The following AK8 variants were observed in gnomAD, a reference collection of about 807,000 sequenced individuals.
AK8 encodes the protein adenylate kinase 8, also known as ATP-AMP transphosphorylase 8.
In AK8, 44 loss-of-function variants were observed where a neutral mutation model predicts 54.6. The ratio of observed to expected loss-of-function variants is 0.81; its 90% CI spans 0.63 to 1.04. AK8 has a LOEUF of 1.04. AK8 is among the 50% of genes least tolerant of loss of function. The probability of loss-of-function intolerance (pLI) is 0.00; values close to 1 mark genes in which losing one functional copy is unlikely to be tolerated. For missense variants in AK8, 555 were observed against 613.6 expected, an observed-to-expected ratio of 0.90 and a Z score of 1.01; for synonymous variants, 239 against 245.6, an observed-to-expected ratio of 0.97 and a Z score of 0.25.
At chr9:132,828,565 G>T in intron 6 of AK8, 80 bp downstream of exon 6, 1 of 1,297,176 alleles carries the variant, frequency 7.7e-7, no homozygotes, top group South Asian at 1.3e-5. Context: ...GTCAGGAGCA[G>T]GCAGCATGAG....
chr9:132,873,960 G>A (rs1327357575), intron 2 of AK8, among the ~76,000 whole-genome samples: 1 of 152,340 alleles, frequency 6.6e-6, no homozygotes, highest in East Asian at 1.9e-4. Flanking sequence ...GCAGGGCAGA[G>A]TAAACTGCAC....
At chr9:132,749,961 G>A (rs574397249) in intron 11 of AK8, among the ~76,000 whole-genome samples, 2 of 148,376 alleles carry the variant, frequency 1.3e-5, no homozygotes, top group South Asian at 2.1e-4. Flanking sequence ...TCCTTACCTC[G>A]AGATACTGAC....
chr9:132,807,671 C>A (rs1377336403), intron 10 of AK8, among the ~76,000 whole-genome samples: 1 of 152,186 alleles, frequency 6.6e-6, no homozygotes, highest in Non-Finnish European at 1.5e-5. Context: ...GGCTAAAATT[C>A]TCATGAGAAA....
At chr9:132,831,955 G>C (rs1209398979) in intron 5 of AK8, among the ~76,000 whole-genome samples, 1 of 150,974 alleles carries the variant, frequency 6.6e-6, no homozygotes, top group East Asian at 2.0e-4. Flanking sequence ...CCAGCTACTT[G>C]GGAGGCTGAG....
intron 3 of AK8, among the ~76,000 whole-genome samples, chr9:132,865,266 T>C (rs1198882679): frequency 6.6e-6 from 1 of 152,076 alleles, no homozygotes; most frequent in Non-Finnish European, 1.5e-5. Context: ...GACAGATGAG[T>C]AGAACAGCTA....
chr9:132,829,899 T>C (rs1842036492), intron 5 of AK8, among the ~76,000 whole-genome samples: 1 of 152,174 alleles, frequency 6.6e-6, no homozygotes. Context: ...TATACAATCA[T>C]TGTACACTGT....
At chr9:132,857,880 T>G (rs910489184) in intron 4 of AK8, among the ~76,000 whole-genome samples, 2 of 152,192 alleles carry the variant, frequency 1.3e-5, no homozygotes. Context: ...CACGCCAGCT[T>G]TGATGTGTCA....
intron 11 of AK8, among the ~76,000 whole-genome samples, chr9:132,784,858 C>T (rs1489444367): frequency 1.3e-5 from 2 of 151,980 alleles, no homozygotes; most frequent in Non-Finnish European, 2.9e-5. Context: ...ATATAAACAA[C>T]TGGTGTTGAA....
At chr9:132,738,691 G>A (rs2130965252) in intron 11 of AK8, among the ~76,000 whole-genome samples, 1 of 151,956 alleles carries the variant, frequency 6.6e-6, no homozygotes, top group South Asian at 2.1e-4. Context: ...AGTAATCCAG[G>A]AGATACACTT....
intron 3 of AK8, 131 bp from the exon 4 acceptor site, chr9:132,863,909 G>T: frequency 1.4e-6 from 1 of 709,810 alleles, no homozygotes; most frequent in Non-Finnish European, 2.3e-6. Flanking sequence ...ATTATTTCCA[G>T]CTGGAGGACG....
chr9:132,856,226 T>C (rs953112722), intron 4 of AK8, among the ~76,000 whole-genome samples: 2 of 152,212 alleles, frequency 1.3e-5, no homozygotes, highest in African/African-American at 4.8e-5. Context: ...AGTTCCTTGC[T>C]GGGGGCGGGG....
At chr9:132,812,686 C>A (rs489061) in intron 10 of AK8, among the ~76,000 whole-genome samples, 1 of 151,964 alleles carries the variant, frequency 6.6e-6, no homozygotes, top group African/African-American at 2.4e-5. Flanking sequence ...TCCTGCCACC[C>A]GGAAGCCTGG....
At chr9:132,831,770 G>C (rs2131317170) in intron 5 of AK8, among the ~76,000 whole-genome samples, 1 of 152,190 alleles carries the variant, frequency 6.6e-6, no homozygotes, top group Non-Finnish European at 1.5e-5. Context: ...AAACCAAAAG[G>C]TGGTCTGGGT....
At chr9:132,833,984 C>A (rs1842215145) in intron 5 of AK8, among the ~76,000 whole-genome samples, 1 of 152,272 alleles carries the variant, frequency 6.6e-6, no homozygotes, top group Non-Finnish European at 1.5e-5. Context: ...GTGTTTTCCC[C>A]AGTCCTGCCT....
intron 5 of AK8, among the ~76,000 whole-genome samples, chr9:132,842,328 C>CA (rs1564433367): frequency 6.6e-6 from 1 of 151,540 alleles, no homozygotes; most frequent in African/African-American, 2.4e-5. Context: ...TTGACTGGTT[C>CA]ATTCATTCAT....
chr9:132,878,395 C>A (rs1185802496), upstream of AK8: 1 of 1,242,540 alleles, frequency 8.0e-7, no homozygotes, highest in Non-Finnish European at 1.0e-6. The surrounding 1 kb of genome is among the most constrained non-coding windows in gnomAD (Gnocchi z 4.7). Flanking sequence ...GCGCGGGTCG[C>A]CCCCGCCCCG....
At chr9:132,762,922 T>C (rs1838553160) in intron 11 of AK8, among the ~76,000 whole-genome samples, 1 of 152,062 alleles carries the variant, frequency 6.6e-6, no homozygotes, top group Non-Finnish European at 1.5e-5. Flanking sequence ...ACAACAGGAC[T>C]CCACTGCCCA....
At chr9:132,765,430 C>T (rs1216902922) in intron 11 of AK8, among the ~76,000 whole-genome samples, 3 of 151,548 alleles carry the variant, frequency 2.0e-5, no homozygotes, top group Non-Finnish European at 4.4e-5. Context: ...ACCACACGAT[C>T]ATCTTAATAG....
In AK8 at chr9:132,840,109, C is replaced by T. The variant is rs529284711; in HGVS notation, c.403-11383G>A. Among the ~76,000 whole-genome samples the T allele has an allele frequency of 3.9e-5, 6 of 152,226 alleles. No homozygotes were observed. The East Asian group carries it at 5.8e-4, about 15-fold the overall frequency. On this transcript the variant is annotated intron_variant, in intron 5 of 12. Coordinates refer to ENST00000298545, the MANE Select transcript of AK8 (RefSeq NM_152572.3). The stretch of plus-strand genomic sequence containing the variant: ...CTAGGATTACAGGTGTGAGCCACTG[C>T]GCCCGGCCCCAGTCACCTCTTAAAG...
Sources: gnomAD v4.1 joint callset for allele counts (sites outside exome capture counted in the v4.1 genomes callset) on GRCh38, gnomAD v4.1.1 for gene constraint, Gnocchi (gnomAD v3.1) non-coding constraint, MANE v1.5 for transcripts, NCBI Gene and HGNC (gene_info 2026-07-23, HGNC 2026-07-21) for gene names.